Variants in ZMYM2 observed in about 807,000 individuals in gnomAD.
The protein encoded by ZMYM2 is zinc finger MYM-type protein 2.
A neutral mutation model predicts 162.8 loss-of-function variants in ZMYM2; 56 were observed. The ratio of observed to expected loss-of-function variants is 0.34; its 90% CI spans 0.28 to 0.43. ZMYM2 has a LOEUF of 0.43. ZMYM2 is among the 20% of genes least tolerant of loss of function. ZMYM2 has a pLI of 1.00. For missense variants in ZMYM2, 1,275 were observed against 1,621.8 expected (o/e 0.79, Z 3.67); for synonymous variants, 510 against 541.6 (o/e 0.94, Z 0.81).
At chr13:20,032,562 T>C (rs1953265674) in intron 10 of ZMYM2, among the ~76,000 whole-genome samples, 1 of 149,650 alleles carries the variant, frequency 6.7e-6, no homozygotes, top group Non-Finnish European at 1.5e-5. Flanking sequence ...AAGTGAAAGG[T>C]GGTACCCAGA....
chr13:19,985,324 G>T (rs1027855354), intron 2 of ZMYM2, among the ~76,000 whole-genome samples: 1 of 152,028 alleles, frequency 6.6e-6, no homozygotes, highest in African/African-American at 2.4e-5. Flanking sequence ...GGATTTCACT[G>T]AGTCACCAGG....
intron 10 of ZMYM2, 128 bp from the exon 11 acceptor site, chr13:20,034,126 A>G (rs1953453285): frequency 1.2e-6 from 1 of 847,854 alleles, no homozygotes; most frequent in East Asian, 3.2e-5. Flanking sequence ...CATGGCCTGT[A>G]GGAAATCTAT....
At chr13:19,905,919 T>C in the ZMYM2 span, among the ~76,000 whole-genome samples, 4 of 152,012 alleles carry the variant, frequency 2.6e-5, no homozygotes, top group Non-Finnish European at 5.9e-5. Flanking sequence ...AGTGGGAGGA[T>C]TGCCTCCCAG....
the ZMYM2 span, among the ~76,000 whole-genome samples, chr13:19,873,240 C>T: frequency 6.6e-6 from 1 of 152,082 alleles, no homozygotes; most frequent in African/African-American, 2.4e-5. Flanking sequence ...TGACCAGGAT[C>T]TGGTCCAGGA....
At chr13:20,068,943 C>G (rs1956881291) in intron 21 of ZMYM2, among the ~76,000 whole-genome samples, 1 of 151,912 alleles carries the variant, frequency 6.6e-6, no homozygotes, top group Admixed American at 6.6e-5. Context: ...AGAAACAAGG[C>G]TTAAAAACAT....
intron 2 of ZMYM2, among the ~76,000 whole-genome samples, chr13:19,976,843 G>C (rs189653234): frequency 2.0e-5 from 3 of 152,098 alleles, no homozygotes; most frequent in African/African-American, 7.2e-5. Context: ...CCGTTTGGTC[G>C]TTCTATCCAT....
chr13:19,904,908 T>A, the ZMYM2 span, among the ~76,000 whole-genome samples: 15 of 152,190 alleles, frequency 9.9e-5, no homozygotes, highest in African/African-American at 3.6e-4. Context: ...AATTTGTTTA[T>A]CCATTCATCT....
Position 20,039,843 on chromosome 13 carries a change from CAT to C in ZMYM2, c.2292+2935_2292+2936del, listed in dbSNP as rs1210122687. Among the ~76,000 whole-genome samples the C allele has an allele frequency of 2.0e-5, 3 of 152,140 alleles. No homozygotes were observed. The South Asian group carries it at 6.2e-4, about 32-fold the overall frequency. ...CCTTTTCTGCATCTATTGAGATAAT[CAT>C]GTGGTTTTTGTCTTTAGTTCTGTTT... On this transcript the variant is annotated intron_variant, in intron 12 of 24. Coordinates refer to ENST00000610343, the MANE Select transcript of ZMYM2 (RefSeq NM_197968.4).
intron 2 of ZMYM2, among the ~76,000 whole-genome samples, chr13:19,982,076 G>T (rs1957382841): frequency 6.6e-6 from 1 of 152,170 alleles, no homozygotes; most frequent in Admixed American, 6.5e-5. Context: ...CTCAGCACCA[G>T]TCCTGAGTAT....
chr13:20,006,232 T>TAAAA (rs747053429), intron 5 of ZMYM2, 142 bp from the exon 6 acceptor site: 233 of 674,662 alleles, frequency 3.5e-4, no homozygotes, highest in Middle Eastern at 4.6e-4. Flanking sequence ...ACCCTGTCTT[T>TAAAA]AAAAAAAAAA....
chr13:19,983,853 T>G (rs973419955), intron 2 of ZMYM2, among the ~76,000 whole-genome samples: 4 of 152,030 alleles, frequency 2.6e-5, no homozygotes, highest in African/African-American at 9.7e-5. Context: ...GGTCTCCAAC[T>G]GCGGGCTCAA....
At chr13:19,925,796 G>A in the ZMYM2 span, among the ~76,000 whole-genome samples, 2 of 150,654 alleles carry the variant, frequency 1.3e-5, no homozygotes, top group African/African-American at 2.4e-5. Context: ...GCTTGAACCC[G>A]GGAGGCAGAG....
At chr13:19,960,209 T>TC (rs2139027839) in intron 2 of ZMYM2, among the ~76,000 whole-genome samples, 183 bp downstream of exon 2, 1 of 152,294 alleles carries the variant, frequency 6.6e-6, no homozygotes, top group African/African-American at 2.4e-5. Context: ...CGCTGCTGTT[T>TC]CCACCGCTGC....
At position 19,993,381 on chromosome 13, in the gene ZMYM2, A is replaced by G. The variant is rs1157103116; in HGVS notation, c.309A>G (p.Ser103=). The G allele has an allele frequency of 6.2e-7, 1 of 1,613,624 alleles. No individual in the cohort carries two copies. Among genetic ancestry groups the G allele is most frequent in the Non-Finnish European group, 8.5e-7 (1 of 1,179,816 alleles). ...QGNDSKITPS[S]KELASQKGSV... ...ATGATTCCAAAATTACTCCTTCCTC[A>G]AAAGAGTTGGCATCTCAGAAGGGAA... The change falls in exon 3 of 25, where the codon TCA becomes TCG. Residue 103 remains serine, a synonymous_variant. Transcript: ENST00000610343.
At chr13:19,950,549 C>G in the ZMYM2 span, among the ~76,000 whole-genome samples, 1 of 152,200 alleles carries the variant, frequency 6.6e-6, no homozygotes, top group Non-Finnish European at 1.5e-5. Context: ...TAAGCTCTAA[C>G]CAATCAGGAT....
intron 2 of ZMYM2, among the ~76,000 whole-genome samples, chr13:19,983,879 T>C (rs1403108115): frequency 1.3e-5 from 2 of 151,800 alleles, no homozygotes; most frequent in Non-Finnish European, 2.9e-5. Context: ...CTGCCCGCCA[T>C]GGCCTCCTAA....
At chr13:19,873,384 A>ATTTT in the ZMYM2 span, among the ~76,000 whole-genome samples, 3 of 108,500 alleles carry the variant, frequency 2.8e-5, no homozygotes, top group African/African-American at 7.7e-5. Flanking sequence ...AGTCAATTTT[A>ATTTT]TTTATTTATT....
chr13:19,974,749 C>T (rs1956638548), intron 2 of ZMYM2, among the ~76,000 whole-genome samples: 1 of 152,114 alleles, frequency 6.6e-6, no homozygotes, highest in Admixed American at 6.5e-5. Flanking sequence ...GGATTACAGG[C>T]GTGAGCCACT....
Position 20,062,698 on chromosome 13 carries a change from A to T in ZMYM2, c.2912-148A>T, listed in dbSNP as rs545836850. 1.2e-5 allele frequency: 9 copies of T among 742,532 alleles called. No individual in the cohort carries two copies. The African/African-American group carries it at 1.4e-4, about 12-fold the overall frequency. 46.0% of individuals were successfully genotyped at this position (742,532 alleles called of 1,614,324 possible). ...GTGGTTTACATTTTGAGATAGTTAT[A>T]TATATAATATGCCCTTTTCTTTTGT... On this transcript the variant is annotated intron_variant, in intron 17 of 24. Coordinates refer to ENST00000610343, the MANE Select transcript of ZMYM2 (RefSeq NM_197968.4).
Sources: gnomAD v4.1 joint callset for allele counts (sites outside exome capture counted in the v4.1 genomes callset) on GRCh38, gnomAD v4.1.1 for gene constraint, MANE v1.5 for transcripts, NCBI Gene and HGNC (gene_info 2026-07-23, HGNC 2026-07-21) for gene names.